The following ABCG5 variants were observed in gnomAD, a reference collection of about 807,000 sequenced individuals.
ABCG5 encodes the protein ATP binding cassette subfamily G member 5, also known as ATP-binding cassette sub-family G member 5.
A neutral mutation model predicts 64.5 loss-of-function variants in ABCG5; 64 were observed. That is an observed-to-expected ratio of 0.99 (90% CI 0.81 to 1.22). ABCG5 has a LOEUF of 1.22. Ranked by LOEUF, ABCG5 falls within the 50% of genes most tolerant of loss-of-function variation. The pLI, the probability that ABCG5 is intolerant of heterozygous loss-of-function variation, is 0.00. For missense variants in ABCG5, 908 were observed against 829.5 expected (o/e 1.09, Z -1.16); for synonymous variants, 385 against 326.3 (o/e 1.18, Z -1.94).
At chr2:43,821,239 A>G (rs1463209541) in intron 10 of ABCG5, among the ~76,000 whole-genome samples, 3 of 152,152 alleles carry the variant, frequency 2.0e-5, no homozygotes, top group Non-Finnish European at 4.4e-5. Context: ...TGATGTTTAA[A>G]ACATCCTCTT....
rs551349294 is a variant in ABCG5, at chr2:43,837,948, C to T, written c.151G>A (p.Val51Met). 18 of 1,613,980 alleles carry T rather than the reference C, an allele frequency of 1.1e-5. No individual in the cohort carries two copies. Among genetic ancestry groups the T allele is most frequent in the African/African-American group, 1.1e-4 (8 of 75,040 alleles). Residue 51 changes from valine to methionine, a missense_variant, in exon 2 of 13, where the codon GTG becomes ATG. Physicochemically the swap from Val to Met is conservative, Grantham distance 21. Transcript: ENST00000405322. ...GATGTGATGTCCCACCAGGGCCTCA[C>T]GCGGTGGCTTTAAAGGAAACCCCAG... ...LHASYSVSHR[V>M]RPWWDITSCR...
At chr2:43,832,186 G>A in intron 2 of ABCG5, 103 bp from the exon 3 acceptor site, 1 of 1,473,308 alleles carries the variant, frequency 6.8e-7, no homozygotes, top group Non-Finnish European at 9.3e-7. Flanking sequence ...GGCCATGAGT[G>A]CTACATGACG....
intron 2 of ABCG5, among the ~76,000 whole-genome samples, chr2:43,835,619 C>A (rs773740010): frequency 1.3e-5 from 2 of 152,174 alleles, no homozygotes; most frequent in Non-Finnish European, 2.9e-5. Context: ...ATGTTGAAAT[C>A]TTCACACCCA....
intron 4 of ABCG5, among the ~76,000 whole-genome samples, chr2:43,830,563 G>A (rs762953121): frequency 1.1e-4 from 16 of 152,246 alleles, no homozygotes; most frequent in Non-Finnish European, 2.2e-4. Flanking sequence ...GATCTGCCAT[G>A]CTATCTCCTT....
upstream of ABCG5, chr2:43,838,960 C>T: frequency 7.2e-7 from 1 of 1,396,800 alleles, no homozygotes; most frequent in Non-Finnish European, 9.9e-7. The surrounding 1 kb of genome is among the most constrained non-coding windows in gnomAD (Gnocchi z 4.2). Flanking sequence ...CCGAGGTGTC[C>T]CTGCTCCAGG....
intron 12 of ABCG5, among the ~76,000 whole-genome samples, 185 bp downstream of exon 12, chr2:43,814,292 T>A (rs1666677777): frequency 6.6e-6 from 1 of 152,226 alleles, no homozygotes; most frequent in Non-Finnish European, 1.5e-5. Flanking sequence ...GACAGGAGAC[T>A]AACTTGACTA....
In ABCG5 at chr2:43,838,719, C is replaced by A; in HGVS notation, c.-40G>T. 1 of 1,607,744 alleles carries A rather than the reference C, an allele frequency of 6.2e-7. No homozygotes were observed. The stretch of plus-strand genomic sequence containing the variant: ...AAAGCTGGGCAAATTTTCTGGTGGC[C>A]GGACCCTCCCCAGAGTGGCTTCAGT... On this transcript the variant is annotated 5_prime_UTR_variant, in exon 1 of 13. Transcript: ENST00000405322. The surrounding 1 kb of genome is among the most constrained non-coding windows in gnomAD (Gnocchi z 4.2).
chr2:43,834,975 A>G (rs1038853048), intron 2 of ABCG5, among the ~76,000 whole-genome samples: 1 of 152,258 alleles, frequency 6.6e-6, no homozygotes, highest in South Asian at 2.1e-4. Context: ...CTATGGAGTA[A>G]TTCATAAAAT....
intron 10 of ABCG5, chr2:43,822,396 T>C: frequency 2.4e-6 from 1 of 415,758 alleles, no homozygotes; most frequent in Non-Finnish European, 3.2e-6. Flanking sequence ...CTGCCTCCTC[T>C]GTTGGTTGCT....
downstream of ABCG5, chr2:43,812,332 T>C (rs1218076481): frequency 3.8e-5 from 5 of 130,316 alleles, no homozygotes; most frequent in Middle Eastern, 0.012. Flanking sequence ...TTTTTTTTTT[T>C]TCGGTAGGTT....
At chr2:43,831,620 G>C in intron 4 of ABCG5, 149 bp downstream of exon 4, 2 of 774,104 alleles carry the variant, frequency 2.6e-6, no homozygotes, top group Non-Finnish European at 4.3e-6. Flanking sequence ...GGGCAGCACA[G>C]GGTGCACGGT....
chr2:43,822,676 A>T (rs1281292740), intron 10 of ABCG5, 121 bp downstream of exon 10: 9 of 1,564,212 alleles, frequency 5.8e-6, no homozygotes, highest in Middle Eastern at 1.7e-4. Context: ...CTAGACACTG[A>T]TGGGCAAAGT....
At chr2:43,833,559 T>G (rs1430876111) in intron 2 of ABCG5, among the ~76,000 whole-genome samples, 1 of 151,876 alleles carries the variant, frequency 6.6e-6, no homozygotes, top group Non-Finnish European at 1.5e-5. Flanking sequence ...ATTTTTTTTG[T>G]ATTTTTAGTA....
In ABCG5 at chr2:43,833,982, C is replaced by A. The variant is rs188544975; in HGVS notation, c.266-1899G>T. Among the ~76,000 whole-genome samples, 153 of 152,278 alleles carry A rather than the reference C, an allele frequency of 1.0e-3. 2 individuals carry two copies. The East Asian group carries it at 0.019, about 19-fold the overall frequency. On this transcript the variant is annotated intron_variant, in intron 2 of 12. Coordinates refer to ENST00000405322, the MANE Select transcript of ABCG5 (RefSeq NM_022436.3). ...TACAGGTGTGAGCGACCGCACCTGG[C>A]CCTTGTTGAAATATTTTAAAGAAAC...
chr2:43,826,044 C>T (rs976617357), intron 6 of ABCG5, among the ~76,000 whole-genome samples: 20 of 152,280 alleles, frequency 1.3e-4, no homozygotes, highest in African/African-American at 4.1e-4. Context: ...GGCATGATCA[C>T]GACTCCCTGC....
chr2:43,832,490 C>T (rs941363948), intron 2 of ABCG5: 2 of 274,568 alleles, frequency 7.3e-6, no homozygotes, highest in Non-Finnish European at 1.4e-5. Flanking sequence ...TTTGTGCCCC[C>T]CTGGGGTGGT....
At chr2:43,818,227 G>T (rs1228508689) in intron 11 of ABCG5, among the ~76,000 whole-genome samples, 2 of 152,036 alleles carry the variant, frequency 1.3e-5, no homozygotes, top group Non-Finnish European at 2.9e-5. Context: ...CGAGGTGGGC[G>T]AATCACTTGA....
downstream of ABCG5, among the ~76,000 whole-genome samples, chr2:43,810,670 T>G (rs1420823880): frequency 6.6e-6 from 1 of 152,200 alleles, no homozygotes; most frequent in Non-Finnish European, 1.5e-5. Flanking sequence ...ATCTGCTTAT[T>G]GCAATGAACT....
chr2:43,837,274 C>T (rs1268292567), intron 2 of ABCG5, among the ~76,000 whole-genome samples: 1 of 151,346 alleles, frequency 6.6e-6, no homozygotes, highest in Non-Finnish European at 1.5e-5. Flanking sequence ...CATGCACCAC[C>T]ATGCCTGGCT....
Sources: allele counts gnomAD v4.1 joint callset (sites outside exome capture counted in the v4.1 genomes callset), GRCh38; gene constraint gnomAD v4.1.1; non-coding constraint Gnocchi (gnomAD v3.1); transcripts MANE v1.5; gene names NCBI Gene and HGNC (gene_info 2026-07-23, HGNC 2026-07-21).